Variants in WWP2 observed in about 807,000 individuals in gnomAD.
WWP2 encodes WW domain containing E3 ubiquitin protein ligase 2.
Under a neutral mutation model 121.0 loss-of-function variants are expected in WWP2, and 57 were observed. The observed-to-expected ratio is 0.47, with a 90% confidence interval of 0.38 to 0.59. The LOEUF (loss-of-function observed/expected upper bound fraction) is 0.59, where lower values mean the gene tolerates loss of function less well. WWP2 is among the 20% of genes least tolerant of loss of function. The pLI is 0.00. For missense variants in WWP2, 962 were observed against 1,158.9 expected, an observed-to-expected ratio of 0.83 and a Z score of 2.47; for synonymous variants, 449 against 441.3, an observed-to-expected ratio of 1.02 and a Z score of -0.22.
At chr16:69,904,460 C>T (rs576114916) in intron 8 of WWP2, among the ~76,000 whole-genome samples, 1 of 151,972 alleles carries the variant, frequency 6.6e-6, no homozygotes, top group East Asian at 1.9e-4. Flanking sequence ...CCTCCAACTC[C>T]TGGGCTCAAG....
chr16:69,909,125 C>T, intron 9 of WWP2: 2 of 1,122,014 alleles, frequency 1.8e-6, no homozygotes, highest in Non-Finnish European at 2.2e-6. Flanking sequence ...CCAGCCTGTC[C>T]CTAAAGGCAG....
chr16:69,817,775 C>T (rs2056523174), intron 4 of WWP2, among the ~76,000 whole-genome samples: 1 of 151,076 alleles, frequency 6.6e-6, no homozygotes, highest in Non-Finnish European at 1.5e-5. Context: ...CCTCCCACCT[C>T]AGCCTTCCGA....
chr16:69,917,347 A>G (rs908744599), intron 9 of WWP2, among the ~76,000 whole-genome samples: 2 of 152,198 alleles, frequency 1.3e-5, no homozygotes, highest in Non-Finnish European at 2.9e-5. Flanking sequence ...AGTCATATTC[A>G]GAAAGGATGA....
At chr16:69,881,077 A>G (rs1454034997) in intron 7 of WWP2, among the ~76,000 whole-genome samples, 1 of 152,176 alleles carries the variant, frequency 6.6e-6, no homozygotes, top group East Asian at 1.9e-4. Context: ...CACAGAGGGA[A>G]CCTTGTGAAA....
intron 4 of WWP2, among the ~76,000 whole-genome samples, chr16:69,827,166 A>C (rs1811679542): frequency 6.6e-6 from 1 of 151,410 alleles, no homozygotes. Context: ...AAAAAAAAAA[A>C]CTACTGTGGA....
chr16:69,940,060 A>C lies in WWP2; in HGVS notation c.*120A>C, dbSNP rs2058859397. On this transcript the variant is annotated 3_prime_UTR_variant, in exon 24 of 24. Coordinates refer to ENST00000359154, the MANE Select transcript of WWP2 (RefSeq NM_001270454.2). ...CGTGGATGTGGCCCTGTGTGGGACC[A>C]CACTGTCATCTCGCTGCTGGCAGAA... 2 of 762,816 alleles carry C rather than the reference A, an allele frequency of 2.6e-6. No individual in the cohort carries two copies. The highest frequency in any genetic ancestry group is 3.0e-5 in the Admixed American group (1 of 33,894). 47.3% of individuals were successfully genotyped at this position (762,816 alleles called of 1,614,324 possible).
intron 4 of WWP2, among the ~76,000 whole-genome samples, chr16:69,804,285 A>G (rs1012352492): frequency 1.3e-5 from 2 of 151,902 alleles, no homozygotes; most frequent in African/African-American, 2.4e-5. Flanking sequence ...ATTTTTTCCT[A>G]GGTGTTTATG....
chr16:69,863,707 G>A (rs1032497420), intron 6 of WWP2, among the ~76,000 whole-genome samples: 1 of 152,150 alleles, frequency 6.6e-6, no homozygotes, highest in East Asian at 1.9e-4. Flanking sequence ...AAGTTCCCCA[G>A]TGCCCCTTTG....
intron 4 of WWP2, chr16:69,838,840 G>A: frequency 1.0e-6 from 1 of 985,532 alleles, no homozygotes; most frequent in African/African-American, 1.7e-5. Context: ...TGGCAGGGAA[G>A]AGAGATTAAG....
intron 6 of WWP2, among the ~76,000 whole-genome samples, chr16:69,861,383 A>G (rs3790083): frequency 0.53 from 80,297 of 151,996 alleles, 21,819 homozygotes; most frequent in East Asian, 0.9. Flanking sequence ...TTTTTAGTCT[A>G]ATGAAATTGC....
chr16:69,927,481 G>A lies in WWP2; in HGVS notation c.1235-1967G>A, dbSNP rs114921414. 8.8e-3 allele frequency among the ~76,000 whole-genome samples: 1,347 copies of A among 152,360 alleles called. 26 individuals carry two copies. The highest frequency in any genetic ancestry group is 0.031 in the African/African-American group (1,273 of 41,582). ...AGTCCCTTTGTCCTAAAATGAGGTC[G>A]AGCCAGGTGTTCCTGGGGTCTTTCC... is the stretch of plus-strand genomic sequence containing the variant. On this transcript the variant is annotated intron_variant, in intron 11 of 23. Transcript: ENST00000359154.
chr16:69,784,399 C>T (rs1597660261), intron 1 of WWP2, among the ~76,000 whole-genome samples: 1 of 152,034 alleles, frequency 6.6e-6, no homozygotes, highest in African/African-American at 2.4e-5. Flanking sequence ...TGTGCCTGGC[C>T]GAAATTATTT....
At chr16:69,793,196 CAA>C in intron 2 of WWP2, among the ~76,000 whole-genome samples, 6 of 151,846 alleles carry the variant, frequency 4.0e-5, no homozygotes, top group African/African-American at 1.5e-4. Flanking sequence ...ACTAAAAATA[CAA>C]AAAAATTAGC....
chr16:69,939,788 A>G (rs928805341), intron 23 of WWP2, 53 bp from the exon 24 acceptor site: 33 of 1,536,510 alleles, frequency 2.1e-5, no homozygotes, highest in South Asian at 4.7e-5. Context: ...TGGTGGGGCT[A>G]TCAGAGCCCT....
intron 1 of WWP2, among the ~76,000 whole-genome samples, chr16:69,764,573 A>G (rs527372098): frequency 6.6e-6 from 1 of 152,328 alleles, no homozygotes; most frequent in African/African-American, 2.4e-5. Flanking sequence ...AAAAGTTGTG[A>G]ATGTAGAATG....
intron 8 of WWP2, among the ~76,000 whole-genome samples, chr16:69,893,809 G>T (rs562999532): frequency 1.3e-5 from 2 of 152,174 alleles, no homozygotes; most frequent in African/African-American, 2.4e-5. Flanking sequence ...CTCCCAAAAT[G>T]CTGGGATTAC....
In WWP2 at chr16:69,778,090, T is replaced by C. The variant is rs111978592; in HGVS notation, c.-15-8906T>C. Among the ~76,000 whole-genome samples, 670 of 108,858 alleles carry C rather than the reference T, an allele frequency of 6.2e-3. 8 individuals are homozygous for C. Among genetic ancestry groups the C allele is most frequent in the African/African-American group, 0.01 (336 of 32,080 alleles). 71.4% of individuals were successfully genotyped at this position (108,858 alleles called of 152,430 possible). Reference sequence around the variant, plus strand: ...TGTCTCAAATATATATATATATATATACACACACACACACACATGTATATA... The same window carrying C: ...TGTCTCAAATATATATATATATATACACACACACACACACACATGTATATA... On this transcript the variant is annotated intron_variant, in intron 1 of 23. Transcript: ENST00000359154.
chr16:69,930,498 A>C (rs2058696301), intron 13 of WWP2, among the ~76,000 whole-genome samples: 1 of 152,142 alleles, frequency 6.6e-6, no homozygotes, highest in Non-Finnish European at 1.5e-5. Flanking sequence ...AAAAAGATTA[A>C]CCAGGCTGAG....
Position 69,840,187 on chromosome 16 carries a change from C to G in WWP2, c.402C>G (p.Gly134=). 6.2e-7 allele frequency: 1 copy of G among 1,614,230 alleles called. No homozygotes were observed. Among genetic ancestry groups the G allele is most frequent in the Non-Finnish European group, 8.5e-7 (1 of 1,180,036 alleles). ...AGAACAAAGGCAGCGTTGTCTCAGG[C>G]GGAGAGCTGACAATTTTCCTGGACG... ...QTENKGSVVS[G]GELTIFLDGP... Residue 134 remains glycine (G), a synonymous_variant, in exon 5 of 24, where the codon GGC becomes GGG. Coordinates refer to ENST00000359154, the MANE Select transcript of WWP2 (RefSeq NM_001270454.2).
Sources: gnomAD v4.1 joint callset for allele counts (sites outside exome capture counted in the v4.1 genomes callset) on GRCh38, gnomAD v4.1.1 for gene constraint, MANE v1.5 for transcripts, NCBI Gene and HGNC (gene_info 2026-07-23, HGNC 2026-07-21) for gene names.